HMGCLL1: variants seen among roughly 807,000 people sequenced by gnomAD.
HMGCLL1 encodes 3-hydroxymethyl-3-methylglutaryl-CoA lyase, cytoplasmic.
Under a neutral mutation model 39.1 loss-of-function variants are expected in HMGCLL1, and 36 were observed. The ratio of observed to expected loss-of-function variants is 0.92; its 90% CI spans 0.71 to 1.22. HMGCLL1 has a LOEUF of 1.22. Among genes scored for constraint, HMGCLL1 ranks in the 50% most tolerant of loss-of-function variants. The pLI is 0.00. For missense variants in HMGCLL1, 451 were observed against 416.5 expected (o/e 1.08, Z -0.72); for synonymous variants, 149 against 144.0 (o/e 1.03, Z -0.25).
intron 8 of HMGCLL1, among the ~76,000 whole-genome samples, chr6:55,437,423 A>G (rs1222725481): frequency 6.6e-6 from 1 of 151,948 alleles, no homozygotes; most frequent in Non-Finnish European, 1.5e-5. Context: ...CTGAGGAAAA[A>G]AAAATGCAGA....
intron 3 of HMGCLL1, among the ~76,000 whole-genome samples, chr6:55,518,381 T>G (rs1767859940): frequency 6.6e-6 from 1 of 152,178 alleles, no homozygotes; most frequent in Non-Finnish European, 1.5e-5. Context: ...AGTCCTTCAC[T>G]GTGGCATTGT....
At chr6:55,477,326 ATT>A (rs1765453825) in intron 7 of HMGCLL1, among the ~76,000 whole-genome samples, 18 of 16,018 alleles carry the variant, frequency 1.1e-3, no homozygotes, top group Non-Finnish European at 1.4e-3. Context: ...TATATATTAT[ATT>A]ATATAATATA....
At chr6:55,484,725 G>T (rs115002382) in intron 7 of HMGCLL1, among the ~76,000 whole-genome samples, 2,219 of 152,006 alleles carry the variant, frequency 0.015, 32 homozygotes, top group Non-Finnish European at 0.025. Flanking sequence ...CTTAGAATAT[G>T]CTCACCACCC....
chr6:55,453,534 A>T (rs967087055), intron 7 of HMGCLL1, among the ~76,000 whole-genome samples: 2 of 152,152 alleles, frequency 1.3e-5, no homozygotes, highest in African/African-American at 4.8e-5. Context: ...TGATCATGGG[A>T]AGCCCTGTGC....
chr6:55,472,940 A>C (rs73447045), intron 7 of HMGCLL1, among the ~76,000 whole-genome samples: 12,124 of 151,388 alleles, frequency 0.08, 1,571 homozygotes, highest in African/African-American at 0.28. Context: ...GATTTATAAA[A>C]ATTTACAACT....
At chr6:55,474,158 T>G (rs925378467) in intron 7 of HMGCLL1, among the ~76,000 whole-genome samples, 7 of 151,566 alleles carry the variant, frequency 4.6e-5, no homozygotes, top group African/African-American at 1.7e-4. Context: ...TGTCATTAAT[T>G]TTGGAAAGCT....
chr6:55,610,493 T>C, the HMGCLL1 span, among the ~76,000 whole-genome samples: 1 of 151,760 alleles, frequency 6.6e-6, no homozygotes, highest in Non-Finnish European at 1.5e-5. Flanking sequence ...GAAAAAAGAA[T>C]GAAAAGGAAT....
chr6:55,489,987 C>G (rs76848411), intron 7 of HMGCLL1, among the ~76,000 whole-genome samples: 2,133 of 152,184 alleles, frequency 0.014, 47 homozygotes, highest in African/African-American at 0.047. Context: ...TAGGAGGACA[C>G]TGGAGAATTT....
chr6:55,527,573 A>C (rs1426804240), intron 3 of HMGCLL1, among the ~76,000 whole-genome samples: 2 of 152,032 alleles, frequency 1.3e-5, no homozygotes, highest in Non-Finnish European at 2.9e-5. Context: ...GGCCTCCTTA[A>C]GAAAAAGAAC....
Position 55,559,609 on chromosome 6 carries a change from G to A in HMGCLL1, c.109-17469C>T, listed in dbSNP as rs146793289. Among the ~76,000 whole-genome samples the A allele has an allele frequency of 2.9e-3, 447 of 152,208 alleles. 3 individuals are homozygous for A. Among genetic ancestry groups the A allele is most frequent in the African/African-American group, 0.01 (420 of 41,552 alleles). ...CTGGAATGACCAGATCATTCACACTGGACTTGAGCAAAAATTCACCTGCAA... is the reference window on the plus strand; with the variant it reads ...CTGGAATGACCAGATCATTCACACTAGACTTGAGCAAAAATTCACCTGCAA... On this transcript the variant is annotated intron_variant, in intron 1 of 8. Coordinates refer to ENST00000274901, the MANE Select transcript of HMGCLL1 (RefSeq NM_001042406.2).
chr6:55,514,489 A>C (rs551075219), intron 4 of HMGCLL1, among the ~76,000 whole-genome samples: 26 of 152,340 alleles, frequency 1.7e-4, no homozygotes, highest in Admixed American at 3.9e-4. Context: ...TTATCTTCAG[A>C]AATACTGTAA....
At position 55,489,286 on chromosome 6, in the gene HMGCLL1, G is replaced by C. The variant is rs140710069; in HGVS notation, c.795+6133C>G. 5.8e-3 allele frequency among the ~76,000 whole-genome samples: 875 copies of C among 152,128 alleles called. 8 individuals are homozygous for C. The highest frequency in any genetic ancestry group is 0.02 in the African/African-American group (819 of 41,532). ...TAAGGCCATATGTGTTAAGAAGTAT[G>C]CAACAAGTATTTGGTTAAAAACAAG... On this transcript the variant is annotated intron_variant, in intron 7 of 8. Transcript: ENST00000274901.
chr6:55,562,991 T>C (rs1771025001), intron 1 of HMGCLL1, among the ~76,000 whole-genome samples: 1 of 152,034 alleles, frequency 6.6e-6, no homozygotes, highest in South Asian at 2.1e-4. Flanking sequence ...CATATATAAA[T>C]ATATATATTC....
chr6:55,508,744 T>C (rs1255650331), intron 5 of HMGCLL1, among the ~76,000 whole-genome samples: 4 of 151,896 alleles, frequency 2.6e-5, no homozygotes, highest in South Asian at 2.1e-4. Context: ...TAAGTGACTG[T>C]ATGGACTATA....
chr6:55,568,615 C>T (rs1018703301), intron 1 of HMGCLL1, among the ~76,000 whole-genome samples: 2 of 152,148 alleles, frequency 1.3e-5, no homozygotes, highest in Non-Finnish European at 2.9e-5. Flanking sequence ...ACTACGTAGA[C>T]TAACAATACA....
At chr6:55,504,336 A>G (rs1214315276) in intron 5 of HMGCLL1, among the ~76,000 whole-genome samples, 1 of 151,652 alleles carries the variant, frequency 6.6e-6, no homozygotes, top group African/African-American at 2.4e-5. Flanking sequence ...GTTTCTCTAA[A>G]TCACCCCAGA....
At chr6:55,494,013 C>T (rs1296521570) in intron 7 of HMGCLL1, among the ~76,000 whole-genome samples, 2 of 152,144 alleles carry the variant, frequency 1.3e-5, no homozygotes, top group African/African-American at 4.8e-5. Flanking sequence ...GCTGGGATTA[C>T]AGGCGTGAGC....
chr6:55,674,792 A>G, the HMGCLL1 span, among the ~76,000 whole-genome samples: 1 of 152,038 alleles, frequency 6.6e-6, no homozygotes, highest in Non-Finnish European at 1.5e-5. Flanking sequence ...AGACAGACTT[A>G]TTGTAAGAGC....
chr6:55,505,841 G>C (rs553606314), intron 5 of HMGCLL1, among the ~76,000 whole-genome samples: 1 of 151,534 alleles, frequency 6.6e-6, no homozygotes, highest in Non-Finnish European at 1.5e-5. Context: ...AATATTTTAG[G>C]GTTTTCTTTT....
Sources: gnomAD v4.1 joint callset for allele counts (sites outside exome capture counted in the v4.1 genomes callset) on GRCh38, gnomAD v4.1.1 for gene constraint, MANE v1.5 for transcripts, NCBI Gene and HGNC (gene_info 2026-07-23, HGNC 2026-07-21) for gene names.